The following TTL variants were observed in gnomAD, a reference collection of about 807,000 sequenced individuals.
TTL encodes tubulin--tyrosine ligase.
TTL carries 10 observed loss-of-function variants against 41.1 expected under a neutral mutation model. The ratio of observed to expected loss-of-function variants is 0.24; its 90% CI spans 0.15 to 0.41. The LOEUF (loss-of-function observed/expected upper bound fraction) is 0.41, where lower values mean the gene tolerates loss of function less well. TTL is among the 10% of genes least tolerant of loss of function. TTL has a pLI of 1.00. For missense variants in TTL, 367 were observed against 460.4 expected (o/e 0.80, Z 1.86); for synonymous variants, 175 against 175.5 (o/e 1.00, Z 0.02).
rs78002896 is a variant in TTL at position 112,528,904 on chromosome 2, A to G, written c.*109A>G. The stretch of plus-strand genomic sequence containing the variant: ...GCCCACAGCAGGGGAAAGAAAGGCA[A>G]CTCGCAAAGATGAGATGGAAGAAGG... On this transcript the variant is annotated 3_prime_UTR_variant, in exon 7 of 7. Coordinates refer to ENST00000233336, the MANE Select transcript of TTL (RefSeq NM_153712.5). 2.2e-6 allele frequency: 2 copies of G among 899,622 alleles called. No individual in the cohort carries two copies. The highest frequency in any genetic ancestry group is 3.3e-5 in the African/African-American group (2 of 60,270). The allele number at this position is 899,622 out of a possible 1,614,324, so 55.7% of individuals were successfully genotyped here. A position where few individuals can be genotyped will look rare whatever the true frequency, so the allele number is the denominator to read the frequency against.
intron 6 of TTL, among the ~76,000 whole-genome samples, chr2:112,526,791 G>C (rs890837886): frequency 5.3e-5 from 8 of 152,136 alleles, no homozygotes; most frequent in Non-Finnish European, 8.8e-5. Flanking sequence ...ATCTCCTTCA[G>C]TTCTGCTCTG....
At chr2:112,523,183 A>G (rs1046101245) in intron 6 of TTL, among the ~76,000 whole-genome samples, 1 of 152,134 alleles carries the variant, frequency 6.6e-6, no homozygotes, top group African/African-American at 2.4e-5. Flanking sequence ...CACCACCACC[A>G]GCCTTACCGT....
At chr2:112,509,704 G>A (rs962047194) in intron 5 of TTL, among the ~76,000 whole-genome samples, 1 of 152,156 alleles carries the variant, frequency 6.6e-6, no homozygotes, top group Non-Finnish European at 1.5e-5. Flanking sequence ...ACTGGCCTGC[G>A]CCCACTGTCT....
intron 5 of TTL, among the ~76,000 whole-genome samples, chr2:112,519,690 T>C (rs1323617091): frequency 6.6e-6 from 1 of 152,098 alleles, no homozygotes; most frequent in Non-Finnish European, 1.5e-5. Flanking sequence ...AATCTTCATT[T>C]ACAGAGGCCA....
rs376486813 is a variant in TTL, at chr2:112,503,403, G to GTGTATATA, written c.875+223_875+224insGTATATAT. 4.1e-3 allele frequency among the ~76,000 whole-genome samples: 585 copies of GTGTATATA among 143,428 alleles called. 13 individuals carry two copies. Among genetic ancestry groups the GTGTATATA allele is most frequent in the East Asian group, 4.0e-3 (20 of 4,988 alleles). 94.1% of individuals were successfully genotyped at this position (143,428 alleles called of 152,430 possible). A position where few individuals can be genotyped will look rare whatever the true frequency, so the allele number is the denominator to read the frequency against. On this transcript the variant is annotated intron_variant, in intron 5 of 6. Coordinates refer to ENST00000233336, the MANE Select transcript of TTL (RefSeq NM_153712.5). ...TGTGTGTGTATGTGTGTGTGTGTGT[G>GTGTATATA]TATATATATATATATATTTATATAT...
intron 2 of TTL, among the ~76,000 whole-genome samples, chr2:112,486,267 G>A (rs867070106): frequency 1.3e-5 from 2 of 152,162 alleles, no homozygotes; most frequent in Non-Finnish European, 2.9e-5. Flanking sequence ...GACAGCCATC[G>A]GGAAGCAAGG....
intron 6 of TTL, 58 bp from the exon 7 acceptor site, chr2:112,528,623 T>C: frequency 6.9e-7 from 1 of 1,456,224 alleles, no homozygotes; most frequent in Non-Finnish European, 9.6e-7. Flanking sequence ...AAACATCTAT[T>C]TTTTTTGCTT....
chr2:112,502,884 G>C, intron 4 of TTL, 28 bp from the exon 5 acceptor site: 1 of 1,588,488 alleles, frequency 6.3e-7, no homozygotes, highest in Non-Finnish European at 8.6e-7. Flanking sequence ...GATGACTTGA[G>C]TAAAGCAGTG....
At chr2:112,500,252 G>A (rs1167690327) in intron 3 of TTL, among the ~76,000 whole-genome samples, 1 of 151,038 alleles carries the variant, frequency 6.6e-6, no homozygotes, top group South Asian at 2.1e-4. Flanking sequence ...AGTTTTTTTG[G>A]GGGGAGTGGT....
At chr2:112,489,331 G>T (rs548649567) in intron 2 of TTL, among the ~76,000 whole-genome samples, 2 of 152,156 alleles carry the variant, frequency 1.3e-5, no homozygotes, top group Non-Finnish European at 2.9e-5. Context: ...TGAAGAAGTA[G>T]ATTTATGTAC....
Position 112,482,271 on chromosome 2 carries a change from C to T in TTL, c.-74C>T, listed in dbSNP as rs1681107420. ...CCGCGGCGGGCGCCCGGGCGGGGTC[C>T]GCGCTGAGCCGCCTTCTCGGCCGCC... On this transcript the variant is annotated 5_prime_UTR_variant, in exon 1 of 7. Transcript: ENST00000233336. The surrounding 1 kb of genome is among the most constrained non-coding windows in gnomAD (Gnocchi z 5.3). 2.9e-6 allele frequency: 3 copies of T among 1,020,436 alleles called. No individual in the cohort carries two copies. The highest frequency in any genetic ancestry group is 3.5e-6 in the Non-Finnish European group (3 of 846,122). The allele number at this position is 1,020,436 out of a possible 1,614,324, so 63.2% of individuals were successfully genotyped here. A position where few individuals can be genotyped will look rare whatever the true frequency, so the allele number is the denominator to read the frequency against.
chr2:112,483,048 G>C (rs1021942053), intron 1 of TTL: 2 of 152,724 alleles, frequency 1.3e-5, no homozygotes, highest in African/African-American at 2.4e-5. Context: ...CCAAAAGCAG[G>C]AGCTGCAGAA....
intron 2 of TTL, among the ~76,000 whole-genome samples, chr2:112,486,266 C>G (rs1392998935): frequency 6.6e-6 from 1 of 152,092 alleles, no homozygotes; most frequent in African/African-American, 2.4e-5. Context: ...AGACAGCCAT[C>G]GGGAAGCAAG....
chr2:112,529,730 CTT>C lies in TTL; in HGVS notation c.*939_*940del, dbSNP rs1354432466. 1.8e-5 allele frequency: 4 copies of C among 221,942 alleles called. No homozygotes were observed. Among genetic ancestry groups the C allele is most frequent in the African/African-American group, 8.9e-5 (4 of 44,822 alleles). 13.7% of individuals were successfully genotyped at this position (221,942 alleles called of 1,614,324 possible). ...GCCCCAGACAAAGGTTGCTTTCCCC[CTT>C]TTTGTTCTTTTTATGCCCCCAAGCA... is the stretch of plus-strand genomic sequence containing the variant. On this transcript the variant is annotated 3_prime_UTR_variant, in exon 7 of 7. Coordinates refer to ENST00000233336, the MANE Select transcript of TTL (RefSeq NM_153712.5).
chr2:112,520,246 C>A lies in TTL; in HGVS notation c.876-36C>A, dbSNP rs375032188. 115 of 1,610,286 alleles carry A rather than the reference C, an allele frequency of 7.1e-5. 1 individual carries two copies. The African/African-American group carries it at 1.3e-3, about 18-fold the overall frequency. On this transcript the variant is annotated intron_variant, in intron 5 of 6. Transcript: ENST00000233336. ...CATGTCTTCCTTCTCCTTTGACCAC[C>A]CCGTTCTAATGAGCATTTCCCCTCC...
chr2:112,494,180 A>G lies in TTL; in HGVS notation c.274A>G (p.Thr92Ala). Reference protein sequence around the residue: ...KTSPELAESCTWFPESYVIYP... With the variant: ...KTSPELAESCAWFPESYVIYP... ...AAGCCCTGAACTGGCTGAGTCCTGC[A>G]CATGGTTCCCTGAATCTTATGTGAT... The change falls in exon 3 of 7, where the codon ACA (threonine) becomes GCA (alanine). Residue 92 changes from threonine to alanine, a missense_variant. By Grantham distance (58) the Thr-to-Ala change is moderately conservative. Coordinates refer to ENST00000233336, the MANE Select transcript of TTL (RefSeq NM_153712.5). 1 of 1,614,216 alleles carries G rather than the reference A, an allele frequency of 6.2e-7. No individual in the cohort carries two copies. Among genetic ancestry groups the G allele is most frequent in the Non-Finnish European group, 8.5e-7 (1 of 1,180,032 alleles).
At chr2:112,513,855 T>C (rs1293456380) in intron 5 of TTL, among the ~76,000 whole-genome samples, 1 of 152,136 alleles carries the variant, frequency 6.6e-6, no homozygotes, top group East Asian at 1.9e-4. Flanking sequence ...TGGTTATTCA[T>C]ATCCCTAGAA....
intron 2 of TTL, among the ~76,000 whole-genome samples, chr2:112,486,863 G>A (rs1681252282): frequency 6.6e-6 from 1 of 152,196 alleles, no homozygotes; most frequent in Non-Finnish European, 1.5e-5. Flanking sequence ...TTTCTTGGCT[G>A]TAAAATGGGG....
intron 6 of TTL, among the ~76,000 whole-genome samples, chr2:112,528,120 T>C (rs1682411540): frequency 6.6e-6 from 1 of 152,196 alleles, no homozygotes; most frequent in Non-Finnish European, 1.5e-5. Flanking sequence ...TTCTTTTCTT[T>C]AAGAATGTTG....
Sources: allele counts gnomAD v4.1 joint callset (sites outside exome capture counted in the v4.1 genomes callset), GRCh38; gene constraint gnomAD v4.1.1; non-coding constraint Gnocchi (gnomAD v3.1); transcripts MANE v1.5; gene names NCBI Gene and HGNC (gene_info 2026-07-23, HGNC 2026-07-21).